The following KCNIP4 variants were observed in gnomAD, a reference collection of about 807,000 sequenced individuals.
KCNIP4 encodes the protein potassium voltage-gated channel interacting protein 4.
A neutral mutation model predicts 34.0 loss-of-function variants in KCNIP4; 12 were observed. The observed-to-expected ratio is 0.35, with a 90% CI of 0.23 to 0.57. The LOEUF is 0.57. Among genes scored for constraint, KCNIP4 ranks in the 20% least tolerant of loss-of-function variants. The pLI, the probability that KCNIP4 is intolerant of heterozygous loss-of-function variation, is 0.83. For missense variants in KCNIP4, 238 were observed against 311.7 expected, an observed-to-expected ratio of 0.76 and a Z score of 1.78; for synonymous variants, 124 against 102.2, an observed-to-expected ratio of 1.21 and a Z score of -1.29.
intron 1 of KCNIP4, among the ~76,000 whole-genome samples, chr4:21,103,361 A>G (rs1748131174): frequency 6.8e-6 from 1 of 146,920 alleles, no homozygotes; most frequent in African/African-American, 2.5e-5. Flanking sequence ...TAATATATAT[A>G]ATATATAAGA....
chr4:20,917,208 T>C (rs1728941258), intron 1 of KCNIP4, among the ~76,000 whole-genome samples: 1 of 151,088 alleles, frequency 6.6e-6, no homozygotes, highest in African/African-American at 2.4e-5. Flanking sequence ...CAGCTAATTT[T>C]TGTATTTTTA....
intron 1 of KCNIP4, among the ~76,000 whole-genome samples, chr4:20,990,434 T>G (rs959898608): frequency 2.0e-5 from 3 of 152,192 alleles, no homozygotes; most frequent in Admixed American, 6.5e-5. Context: ...ACCACAGCCT[T>G]CTGTTTTGAA....
intron 1 of KCNIP4, among the ~76,000 whole-genome samples, chr4:21,257,367 T>A (rs1173878064): frequency 1.3e-5 from 2 of 152,126 alleles, no homozygotes; most frequent in Non-Finnish European, 2.9e-5. Context: ...TCTCCTTAAG[T>A]GTACCCCCCA....
chr4:21,139,595 A>T (rs6448027), intron 1 of KCNIP4, among the ~76,000 whole-genome samples: 97,324 of 151,926 alleles, frequency 0.64, 31,718 homozygotes, highest in African/African-American at 0.75. Flanking sequence ...CCACATCCAA[A>T]GAGACATGAC....
chr4:21,558,507 A>G (rs990687254), intron 1 of KCNIP4, among the ~76,000 whole-genome samples: 3 of 151,578 alleles, frequency 2.0e-5, no homozygotes, highest in African/African-American at 7.3e-5. Context: ...TAAATAAATA[A>G]ATAAATATAT....
intron 3 of KCNIP4, among the ~76,000 whole-genome samples, chr4:20,777,857 T>C (rs1385795856): frequency 1.3e-5 from 2 of 152,206 alleles, no homozygotes; most frequent in Non-Finnish European, 2.9e-5. Context: ...CTTACAGCTA[T>C]CAGTTTGTGC....
chr4:20,735,851 T>C (rs758330296), intron 5 of KCNIP4, among the ~76,000 whole-genome samples: 10 of 152,164 alleles, frequency 6.6e-5, no homozygotes, highest in Admixed American at 3.9e-4. Context: ...CTTGTTGTTA[T>C]GTACAGCAGG....
chr4:20,731,077 T>C (rs1189905450), intron 8 of KCNIP4, among the ~76,000 whole-genome samples: 1 of 152,098 alleles, frequency 6.6e-6, no homozygotes, highest in Non-Finnish European at 1.5e-5. Context: ...TTTGAAAAAT[T>C]CTTTTTTTCT....
At chr4:21,228,602 G>A (rs1352158908) in intron 1 of KCNIP4, among the ~76,000 whole-genome samples, 1 of 152,180 alleles carries the variant, frequency 6.6e-6, no homozygotes, top group Admixed American at 6.5e-5. Flanking sequence ...TCTGGGGTAT[G>A]AGCTCTATCT....
chr4:20,752,863 G>A (rs1560437039), intron 4 of KCNIP4: 1 of 152,170 alleles, frequency 6.6e-6, no homozygotes, highest in Non-Finnish European at 1.5e-5. Context: ...ACTCAACTGT[G>A]TTCTTAAGCA....
At chr4:21,076,574 C>G (rs1258611661) in intron 1 of KCNIP4, among the ~76,000 whole-genome samples, 3 of 152,084 alleles carry the variant, frequency 2.0e-5, no homozygotes, top group African/African-American at 7.2e-5. Context: ...TGTTAATTGA[C>G]TGAACAACTT....
At chr4:21,766,547 A>T (rs1307350440) in intron 1 of KCNIP4, among the ~76,000 whole-genome samples, 1 of 152,142 alleles carries the variant, frequency 6.6e-6, no homozygotes, top group East Asian at 1.9e-4. Context: ...AATTTCCTCG[A>T]CTGGTGAACC....
intron 1 of KCNIP4, among the ~76,000 whole-genome samples, chr4:21,617,030 G>A (rs960622865): frequency 2.6e-5 from 4 of 152,116 alleles, no homozygotes; most frequent in Non-Finnish European, 1.5e-5. Flanking sequence ...GGCCAAGGGC[G>A]ATGTGGGAAG....
chr4:21,214,896 A>G (rs12649982), intron 1 of KCNIP4, among the ~76,000 whole-genome samples: 148,246 of 152,254 alleles, frequency 0.97, 72,201 homozygotes, highest in East Asian at 1. Context: ...GCATTTGGCA[A>G]ACTTTTTGTA....
chr4:21,840,601 G>A (rs115798551), intron 1 of KCNIP4, among the ~76,000 whole-genome samples: 171 of 152,108 alleles, frequency 1.1e-3, no homozygotes, highest in Middle Eastern at 3.4e-3. Context: ...AGCTATCCAC[G>A]CCCCTTGAAT....
intron 1 of KCNIP4, among the ~76,000 whole-genome samples, chr4:21,131,999 G>A (rs1303082132): frequency 1.3e-5 from 2 of 152,200 alleles, no homozygotes; most frequent in Non-Finnish European, 2.9e-5. Flanking sequence ...GAGAGGTACC[G>A]TGGTAATGAG....
chr4:21,322,233 A>G (rs1169693191), intron 1 of KCNIP4, among the ~76,000 whole-genome samples: 2 of 152,152 alleles, frequency 1.3e-5, no homozygotes, highest in African/African-American at 4.8e-5. Flanking sequence ...AACAGAAAAT[A>G]TAAGAAATAG....
At chr4:20,977,383 T>C (rs1025542409) in intron 1 of KCNIP4, among the ~76,000 whole-genome samples, 25 of 152,250 alleles carry the variant, frequency 1.6e-4, no homozygotes, top group African/African-American at 5.8e-4. Context: ...TAACACTCTC[T>C]GAGACATTCC....
At chr4:20,910,691 TTACCAA>T (rs1728242365) in intron 1 of KCNIP4, among the ~76,000 whole-genome samples, 1 of 152,228 alleles carries the variant, frequency 6.6e-6, no homozygotes. Context: ...GTACAATGTC[TTACCAA>T]GGTTATCCAT....
Sources: gnomAD v4.1 joint callset for allele counts (sites outside exome capture counted in the v4.1 genomes callset) on GRCh38, gnomAD v4.1.1 for gene constraint, MANE v1.5 for transcripts, NCBI Gene and HGNC (gene_info 2026-07-23, HGNC 2026-07-21) for gene names.